MEIS2: variants seen among roughly 807,000 people sequenced by gnomAD.
MEIS2 encodes Meis homeobox 2.
A neutral mutation model predicts 58.6 loss-of-function variants in MEIS2; 9 were observed. The observed-to-expected ratio is 0.15, with a 90% CI of 0.09 to 0.27. MEIS2 has a LOEUF of 0.27. Among genes scored for constraint, MEIS2 ranks in the 10% least tolerant of loss-of-function variants. The pLI is 1.00. For missense variants in MEIS2, 427 were observed against 635.0 expected (o/e 0.67, Z 3.52); for synonymous variants, 221 against 228.4 (o/e 0.97, Z 0.29).
At chr15:37,029,662 A>G (rs976451140) in intron 8 of MEIS2, among the ~76,000 whole-genome samples, 16 of 152,168 alleles carry the variant, frequency 1.1e-4, no homozygotes, top group African/African-American at 3.9e-4. Context: ...CAAGCACACA[A>G]TCAGAAGACC....
At chr15:37,092,264 A>G (rs1301695194) in intron 6 of MEIS2, among the ~76,000 whole-genome samples, 1 of 152,210 alleles carries the variant, frequency 6.6e-6, no homozygotes, top group Non-Finnish European at 1.5e-5. Context: ...CTGGCTTCCC[A>G]TACAAGTGCA....
chr15:36,966,985 C>T (rs1301357215), intron 8 of MEIS2, among the ~76,000 whole-genome samples: 2 of 152,142 alleles, frequency 1.3e-5, no homozygotes, highest in African/African-American at 4.8e-5. Flanking sequence ...GCCAGACCAT[C>T]CTGGGCCTGT....
chr15:37,036,024 T>C (rs935314467), intron 8 of MEIS2, among the ~76,000 whole-genome samples: 2 of 152,206 alleles, frequency 1.3e-5, no homozygotes, highest in East Asian at 3.8e-4. Flanking sequence ...AAATGAACAG[T>C]AAAATATAAG....
chr15:37,079,818 T>C (rs1596089184), intron 7 of MEIS2, among the ~76,000 whole-genome samples: 1 of 152,174 alleles, frequency 6.6e-6, no homozygotes, highest in Non-Finnish European at 1.5e-5. Context: ...TGTACAGCCC[T>C]GTGTCCTGAA....
chr15:36,901,428 T>G (rs1385293450), intron 9 of MEIS2, among the ~76,000 whole-genome samples: 1 of 152,214 alleles, frequency 6.6e-6, no homozygotes, highest in African/African-American at 2.4e-5. Context: ...TTAATGCCTT[T>G]GAAGATGAAC....
At position 37,008,561 on chromosome 15, in the gene MEIS2, C is replaced by T. The variant is rs1339604822; in HGVS notation, c.900+28253G>A. On this transcript the variant is annotated intron_variant, in intron 8 of 11. Transcript: ENST00000561208. ...CAATTTTCCTATAATATTTTAAGTACACGAAAAGTTGAGTGGGATCTTTAG... is the reference window on the plus strand; with the variant it reads ...CAATTTTCCTATAATATTTTAAGTATACGAAAAGTTGAGTGGGATCTTTAG... 3.9e-5 allele frequency among the ~76,000 whole-genome samples: 6 copies of T among 152,244 alleles called. No homozygotes were observed. In the East Asian group the frequency reaches 9.6e-4, roughly 24 times the overall value.
chr15:37,035,058 T>C (rs2062095298), intron 8 of MEIS2, among the ~76,000 whole-genome samples: 1 of 152,052 alleles, frequency 6.6e-6, no homozygotes, highest in African/African-American at 2.4e-5. Flanking sequence ...GCTGTTGAAG[T>C]GTTTATTTTC....
intron 9 of MEIS2, among the ~76,000 whole-genome samples, chr15:36,916,243 C>T (rs565360972): frequency 4.0e-4 from 60 of 151,500 alleles, no homozygotes; most frequent in African/African-American, 9.9e-4. Context: ...CTGGCTAAAA[C>T]GGTGAAACCC....
Position 36,909,438 on chromosome 15 carries a change from T to C in MEIS2, c.978-12752A>G, listed in dbSNP as rs564355233. The stretch of plus-strand genomic sequence containing the variant: ...GAAAATAGGGTTCCTTCATCTCGGA[T>C]ATAACTTAGAATTGAGAATAAAAGA... On this transcript the variant is annotated intron_variant, in intron 9 of 11. Transcript: ENST00000561208. Among the ~76,000 whole-genome samples, 5 of 152,338 alleles carry C rather than the reference T, an allele frequency of 3.3e-5. No homozygotes were observed. The South Asian group carries it at 1.0e-3, about 32-fold the overall frequency.
Position 36,889,519 on chromosome 15 carries a change from T to G in MEIS2, c.*2654A>C, listed in dbSNP as rs1432823902. 1 of 152,184 alleles carries G rather than the reference T, an allele frequency of 6.6e-6. No individual in the cohort carries two copies. Among genetic ancestry groups the G allele is most frequent in the Admixed American group, 6.5e-5 (1 of 15,282 alleles). The allele number at this position is 152,184 out of a possible 1,614,324, so 9.4% of individuals were successfully genotyped here. A position where few individuals can be genotyped will look rare whatever the true frequency, so the allele number is the denominator to read the frequency against. On this transcript the variant is annotated 3_prime_UTR_variant, in exon 12 of 12. Coordinates refer to ENST00000561208, the MANE Select transcript of MEIS2 (RefSeq NM_170675.5). ...TTCATCTCCAAATATTTAAGAAGGT[T>G]AAAGTTAACATGATAGGACGTGGGT...
At chr15:36,970,272 C>CGGG (rs1053774553) in intron 8 of MEIS2, among the ~76,000 whole-genome samples, 1 of 151,832 alleles carries the variant, frequency 6.6e-6, no homozygotes, top group African/African-American at 2.4e-5. Flanking sequence ...GGCGTGGTGG[C>CGGG]GGGCGCCTGT....
At chr15:36,972,328 C>T (rs2059598038) in intron 8 of MEIS2, among the ~76,000 whole-genome samples, 1 of 152,164 alleles carries the variant, frequency 6.6e-6, no homozygotes, top group Non-Finnish European at 1.5e-5. Context: ...TCCTTCTGTT[C>T]TCCAGAATGG....
chr15:37,011,723 A>C (rs2061166410), intron 8 of MEIS2, among the ~76,000 whole-genome samples: 1 of 141,946 alleles, frequency 7.0e-6, no homozygotes, highest in African/African-American at 2.6e-5. Flanking sequence ...AGGTTCAAGC[A>C]ATTCTTTTGT....
At chr15:37,046,725 A>T (rs1280304452) in intron 7 of MEIS2, among the ~76,000 whole-genome samples, 2 of 152,070 alleles carry the variant, frequency 1.3e-5, no homozygotes, top group Non-Finnish European at 1.5e-5. Flanking sequence ...GGAACCATAA[A>T]ATGGCTTTGT....
intron 9 of MEIS2, among the ~76,000 whole-genome samples, chr15:36,925,577 T>C (rs1298327292): frequency 6.6e-6 from 1 of 152,224 alleles, no homozygotes; most frequent in African/African-American, 2.4e-5. Flanking sequence ...ATATATTTTG[T>C]CGAGTACAGT....
chr15:37,056,613 C>A (rs1341664758), intron 7 of MEIS2, among the ~76,000 whole-genome samples: 1 of 152,204 alleles, frequency 6.6e-6, no homozygotes, highest in Non-Finnish European at 1.5e-5. Context: ...GCGAGCAGAA[C>A]TGATTACAGC....
At chr15:36,933,468 A>G (rs1050633011) in intron 9 of MEIS2, among the ~76,000 whole-genome samples, 3 of 152,130 alleles carry the variant, frequency 2.0e-5, no homozygotes, top group Non-Finnish European at 2.9e-5. Context: ...ATTTTTACAT[A>G]ACCTGCATGG....
At chr15:37,015,644 C>G (rs896877940) in intron 8 of MEIS2, among the ~76,000 whole-genome samples, 1 of 152,034 alleles carries the variant, frequency 6.6e-6, no homozygotes, top group Admixed American at 6.6e-5. Context: ...AGAGGAAGAT[C>G]AGAAAGGCCT....
In MEIS2 at chr15:37,043,652, T is replaced by C. The variant is rs567412395; in HGVS notation, c.755-6693A>G. ...GTTCGTAGGTGTTTTCAGTAACCAG[T>C]TCTCTATCTCTAGAACACCGTCCCC... On this transcript the variant is annotated intron_variant, in intron 7 of 11. Transcript: ENST00000561208. 7.9e-5 allele frequency among the ~76,000 whole-genome samples: 12 copies of C among 151,906 alleles called. No homozygotes were observed. In the East Asian group the frequency reaches 2.1e-3, roughly 27 times the overall value.
Sources: gnomAD v4.1 joint callset for allele counts (sites outside exome capture counted in the v4.1 genomes callset) on GRCh38, gnomAD v4.1.1 for gene constraint, MANE v1.5 for transcripts, NCBI Gene and HGNC (gene_info 2026-07-23, HGNC 2026-07-21) for gene names.